Variants in ANXA8 observed in about 807,000 individuals in gnomAD.
ANXA8 encodes VAC-beta.
ANXA8 carries 9 observed loss-of-function variants against 26.8 expected under a neutral mutation model. That is an observed-to-expected ratio of 0.34 (90% confidence interval 0.20 to 0.59). The LOEUF is 0.59. Ranked by LOEUF, ANXA8 falls within the 20% of genes least tolerant of loss-of-function variation. The pLI, the probability that ANXA8 is intolerant of heterozygous loss-of-function variation, is 0.84. For missense variants in ANXA8, 83 were observed against 238.5 expected, an observed-to-expected ratio of 0.35 and a Z score of 4.29; for synonymous variants, 39 against 94.8, an observed-to-expected ratio of 0.41 and a Z score of 3.42.
At chr10:47,966,321 C>T in the ANXA8 span, among the ~76,000 whole-genome samples, 5 of 148,152 alleles carry the variant, frequency 3.4e-5, no homozygotes, top group South Asian at 2.2e-4. Flanking sequence ...GCCTATGGGG[C>T]GATGACCAAA....
chr10:47,718,073 A>C, the ANXA8 span, among the ~76,000 whole-genome samples: 1 of 151,644 alleles, frequency 6.6e-6, no homozygotes, highest in African/African-American at 2.4e-5. Flanking sequence ...ACTGTTGGGT[A>C]CTCTGCCTAC....
At chr10:47,487,210 C>T (rs1171808438), upstream of ANXA8, 55 of 855,712 alleles carry the variant, frequency 6.4e-5, no homozygotes, top group East Asian at 3.6e-4. Context: ...ATAAATCCAG[C>T]GCTCAATGTA....
the ANXA8 span, among the ~76,000 whole-genome samples, chr10:47,676,777 G>A: frequency 6.7e-6 from 1 of 149,422 alleles, no homozygotes; most frequent in Non-Finnish European, 1.5e-5. Context: ...AATTAGCCGG[G>A]TGTGGTGGTG....
intron 6 of ANXA8, 122 bp from the exon 7 acceptor site, chr10:47,475,126 G>A (rs1442354449): frequency 9.2e-6 from 13 of 1,416,318 alleles, no homozygotes; most frequent in Admixed American, 5.6e-5. Flanking sequence ...TGGAAACTTC[G>A]ACAAGCCAGT....
At chr10:47,580,573 GA>G in the ANXA8 span, among the ~76,000 whole-genome samples, 136 of 149,156 alleles carry the variant, frequency 9.1e-4, 5 homozygotes, top group African/African-American at 3.0e-3. Context: ...CTGTCTCTAC[GA>G]AAAAAAAATT....
the ANXA8 span, among the ~76,000 whole-genome samples, chr10:47,974,843 T>C: frequency 6.7e-6 from 1 of 149,782 alleles, no homozygotes; most frequent in African/African-American, 2.4e-5. Context: ...ATATGTTCTG[T>C]GTACAGATAG....
At chr10:47,733,273 T>TTC in the ANXA8 span, among the ~76,000 whole-genome samples, 1 of 114,922 alleles carries the variant, frequency 8.7e-6, no homozygotes, top group Non-Finnish European at 1.8e-5. Flanking sequence ...CTTTCTTTCT[T>TTC]TCTTTCTTTC....
At chr10:47,578,740 T>C in the ANXA8 span, among the ~76,000 whole-genome samples, 1 of 144,022 alleles carries the variant, frequency 6.9e-6, no homozygotes, top group Non-Finnish European at 1.5e-5. Flanking sequence ...ACAGGATAAA[T>C]CATTAACCAA....
At chr10:47,580,353 A>G in the ANXA8 span, among the ~76,000 whole-genome samples, 93 of 152,372 alleles carry the variant, frequency 6.1e-4, no homozygotes, top group African/African-American at 1.9e-3. Flanking sequence ...TGCAGAATAT[A>G]TATTCCTCTC....
chr10:47,484,298 G>C, upstream of ANXA8: 1 of 645,514 alleles, frequency 1.5e-6, no homozygotes, highest in South Asian at 1.7e-5. Context: ...TGATTAGGCT[G>C]GTCTCAAACT....
At chr10:47,918,356 G>GGAGA in the ANXA8 span, among the ~76,000 whole-genome samples, 18 of 17,742 alleles carry the variant, frequency 1.0e-3, 4 homozygotes, top group Middle Eastern at 0.037. Context: ...GGGGAGGGAG[G>GGAGA]GAGAGAGAGA....
At chr10:47,505,423 A>C in the ANXA8 span, among the ~76,000 whole-genome samples, 7 of 127,838 alleles carry the variant, frequency 5.5e-5, no homozygotes, top group Non-Finnish European at 1.2e-4. Context: ...TGAAGCAATA[A>C]AAATTAATGT....
chr10:47,690,412 T>C, the ANXA8 span: 1 of 951,924 alleles, frequency 1.1e-6, no homozygotes, highest in East Asian at 2.6e-5. Flanking sequence ...GACCTTAAAA[T>C]ATCAACTGAT....
intron 7 of ANXA8, among the ~76,000 whole-genome samples, chr10:47,474,703 G>A (rs1419447365): frequency 6.8e-5 from 6 of 87,696 alleles, no homozygotes; most frequent in South Asian, 4.9e-4. Context: ...TAGCGCCCCC[G>A]GGTTCATGGG....
At chr10:47,596,774 A>G in the ANXA8 span, among the ~76,000 whole-genome samples, 4 of 148,448 alleles carry the variant, frequency 2.7e-5, no homozygotes, top group Non-Finnish European at 5.9e-5. Flanking sequence ...AATGAATTGA[A>G]TAAGTAATAG....
the ANXA8 span, among the ~76,000 whole-genome samples, chr10:47,953,176 A>C: frequency 6.7e-6 from 1 of 149,150 alleles, no homozygotes; most frequent in Non-Finnish European, 1.5e-5. Context: ...GGCAAGTTGC[A>C]GACCAGGAGA....
In ANXA8 at chr10:47,476,506, C is replaced by T. The variant is rs1412097597; in HGVS notation, c.322-184G>A. On this transcript the variant is annotated intron_variant, in intron 4 of 11. Coordinates refer to ENST00000585281, the MANE Select transcript of ANXA8 (RefSeq NM_001040084.3). ...TGAACATTGAGGGCAAGTGCTGTGA[C>T]GGGGAAGCCCTGTCTCAGCTCTCCC... is the stretch of plus-strand genomic sequence containing the variant. Among the ~76,000 whole-genome samples, 16 of 132,132 alleles carry T rather than the reference C, an allele frequency of 1.2e-4. 1 individual carries two copies. The highest frequency in any genetic ancestry group is 3.4e-4 in the East Asian group (1 of 2,964). 86.7% of individuals were successfully genotyped at this position (132,132 alleles called of 152,430 possible).
At chr10:47,555,605 A>T in the ANXA8 span, among the ~76,000 whole-genome samples, 1 of 151,880 alleles carries the variant, frequency 6.6e-6, no homozygotes, top group South Asian at 2.1e-4. Context: ...TCTAACCTGA[A>T]CTCCAGCTGC....
the ANXA8 span, among the ~76,000 whole-genome samples, chr10:47,978,345 G>GT: frequency 6.7e-6 from 1 of 148,454 alleles, no homozygotes; most frequent in African/African-American, 2.4e-5. Context: ...ACACTAGATG[G>GT]TAACTTCATC....
Sources: allele counts gnomAD v4.1 joint callset (sites outside exome capture counted in the v4.1 genomes callset), GRCh38; gene constraint gnomAD v4.1.1; transcripts MANE v1.5; gene names NCBI Gene and HGNC (gene_info 2026-07-23, HGNC 2026-07-21).